Variants in AGBL4 observed in about 807,000 individuals in gnomAD.
The protein encoded by AGBL4 is cytosolic carboxypeptidase 6.
AGBL4 carries 58 observed loss-of-function variants against 66.4 expected under a neutral mutation model. That is an observed-to-expected ratio of 0.87 (90% CI 0.71 to 1.09). The LOEUF (loss-of-function observed/expected upper bound fraction) is 1.09. AGBL4 is among the 50% of genes least tolerant of loss of function. The pLI is 0.00. For missense variants in AGBL4, 579 were observed against 631.0 expected, an observed-to-expected ratio of 0.92 and a Z score of 0.88; for synonymous variants, 234 against 222.9, an observed-to-expected ratio of 1.05 and a Z score of -0.44.
chr1:49,109,811 C>T (rs1208538839), intron 4 of AGBL4, among the ~76,000 whole-genome samples: 5 of 152,158 alleles, frequency 3.3e-5, no homozygotes, highest in African/African-American at 1.2e-4. Flanking sequence ...CTTCTATATT[C>T]ATGCATCATC....
chr1:49,334,244 A>G (rs1471976919), intron 3 of AGBL4, among the ~76,000 whole-genome samples: 1 of 152,210 alleles, frequency 6.6e-6, no homozygotes, highest in Non-Finnish European at 1.5e-5. Context: ...GTGAAAGGGA[A>G]CACAGTAAAA....
At chr1:49,442,690 T>C (rs1646061991) in intron 3 of AGBL4, among the ~76,000 whole-genome samples, 1 of 152,256 alleles carries the variant, frequency 6.6e-6, no homozygotes, top group Non-Finnish European at 1.5e-5. Flanking sequence ...TTATCTTTGC[T>C]ATTGTAAATA....
chr1:49,595,434 G>A (rs1250379188), intron 3 of AGBL4, among the ~76,000 whole-genome samples: 1 of 151,978 alleles, frequency 6.6e-6, no homozygotes, highest in Non-Finnish European at 1.5e-5. Context: ...TTACAGTACA[G>A]AAGGCTTATA....
At chr1:49,356,831 T>C (rs929519574) in intron 3 of AGBL4, among the ~76,000 whole-genome samples, 1 of 152,190 alleles carries the variant, frequency 6.6e-6, no homozygotes, top group Non-Finnish European at 1.5e-5. Context: ...TGTTGATACC[T>C]GGCAGTTACC....
intron 2 of AGBL4, among the ~76,000 whole-genome samples, chr1:49,819,115 A>C (rs780335201): frequency 6.6e-6 from 1 of 152,192 alleles, no homozygotes; most frequent in Non-Finnish European, 1.5e-5. Context: ...GGAATATAAT[A>C]GATGATCAAT....
chr1:48,860,649 T>C (rs1345785829), intron 6 of AGBL4, among the ~76,000 whole-genome samples: 1 of 152,160 alleles, frequency 6.6e-6, no homozygotes, highest in Non-Finnish European at 1.5e-5. Flanking sequence ...GTGAGGAATA[T>C]AGACTCAGGA....
intron 3 of AGBL4, among the ~76,000 whole-genome samples, chr1:49,557,811 G>A (rs1643940681): frequency 1.3e-5 from 2 of 152,066 alleles, no homozygotes; most frequent in South Asian, 4.2e-4. Flanking sequence ...GTGGGAAAGG[G>A]AGAGCTGCTA....
chr1:49,559,545 G>C (rs970814052), intron 3 of AGBL4, among the ~76,000 whole-genome samples: 1 of 152,144 alleles, frequency 6.6e-6, no homozygotes, highest in Admixed American at 6.6e-5. Flanking sequence ...CATTTTGGTG[G>C]AAACCATCCA....
intron 6 of AGBL4, among the ~76,000 whole-genome samples, chr1:48,810,534 C>G (rs1407040539): frequency 6.6e-6 from 1 of 152,190 alleles, no homozygotes; most frequent in Non-Finnish European, 1.5e-5. Flanking sequence ...AATCACTTCA[C>G]CTCCCTGAAT....
chr1:49,665,937 T>G (rs1646356399), intron 3 of AGBL4, among the ~76,000 whole-genome samples: 2 of 151,684 alleles, frequency 1.3e-5, no homozygotes, highest in South Asian at 4.1e-4. Flanking sequence ...AAGTTTTTTT[T>G]TTTTAACAAA....
intron 1 of AGBL4, among the ~76,000 whole-genome samples, chr1:49,859,572 C>G (rs979747464): frequency 6.6e-6 from 1 of 151,982 alleles, no homozygotes; most frequent in Non-Finnish European, 1.5e-5. Context: ...AGAATTAAAA[C>G]GGAATTCCTT....
chr1:48,720,100 G>A (rs541677941), intron 6 of AGBL4, among the ~76,000 whole-genome samples: 1 of 152,298 alleles, frequency 6.6e-6, no homozygotes, highest in African/African-American at 2.4e-5. Context: ...CCAGGAACCA[G>A]GCTTCTAGGG....
At chr1:49,661,196 A>T (rs779979958) in intron 3 of AGBL4, among the ~76,000 whole-genome samples, 7 of 152,180 alleles carry the variant, frequency 4.6e-5, no homozygotes, top group Non-Finnish European at 7.4e-5. Context: ...AAAATTCAAC[A>T]TAACTAGTCA....
intron 3 of AGBL4, among the ~76,000 whole-genome samples, chr1:49,588,133 A>G (rs963296357): frequency 3.3e-5 from 5 of 152,116 alleles, no homozygotes; most frequent in Non-Finnish European, 7.4e-5. Flanking sequence ...CCAGGCCACT[A>G]TGTCTCTCCT....
intron 3 of AGBL4, chr1:49,257,481 C>G (rs189221772): frequency 2.0e-5 from 3 of 153,006 alleles, no homozygotes; most frequent in African/African-American, 7.2e-5. Flanking sequence ...TAGCCAGGTG[C>G]GGGATATAAT....
In AGBL4 at chr1:49,603,368, A is replaced by T. The variant is rs1571152873; in HGVS notation, c.282+93945T>A. Among the ~76,000 whole-genome samples, 3 of 151,930 alleles carry T rather than the reference A, an allele frequency of 2.0e-5. No individual in the cohort carries two copies. In the East Asian group the frequency reaches 5.8e-4, roughly 29 times the overall value. ...AGGAAAACAGTCTTTCTAGAAAGGG[A>T]ACAGTTATTAGCCAGGTGTGGTGGT... On this transcript the variant is annotated intron_variant, in intron 3 of 13. Transcript: ENST00000371839.
At chr1:49,865,578 T>C (rs1168262363) in intron 1 of AGBL4, among the ~76,000 whole-genome samples, 1 of 151,050 alleles carries the variant, frequency 6.6e-6, no homozygotes, top group East Asian at 1.9e-4. Context: ...CAACAAAAAG[T>C]CCCCATAAAA....
intron 3 of AGBL4, among the ~76,000 whole-genome samples, chr1:49,476,581 T>C (rs1317719948): frequency 6.6e-6 from 1 of 152,074 alleles, no homozygotes; most frequent in Non-Finnish European, 1.5e-5. Flanking sequence ...TGAATCTGGG[T>C]GCTCCAATAC....
chr1:49,106,357 A>G (rs1645292602), intron 4 of AGBL4, among the ~76,000 whole-genome samples: 1 of 152,178 alleles, frequency 6.6e-6, no homozygotes, highest in South Asian at 2.1e-4. Flanking sequence ...GTCTTTGTAT[A>G]CCAGGACCCA....
Sources: gnomAD v4.1 joint callset for allele counts (sites outside exome capture counted in the v4.1 genomes callset) on GRCh38, gnomAD v4.1.1 for gene constraint, MANE v1.5 for transcripts, NCBI Gene and HGNC (gene_info 2026-07-23, HGNC 2026-07-21) for gene names.